The following CNIH3 variants were observed in gnomAD, a reference collection of about 807,000 sequenced individuals.
CNIH3 encodes cornichon family AMPA receptor auxiliary protein 3.
In CNIH3, 14 loss-of-function variants were observed where a neutral mutation model predicts 24.1. The observed-to-expected ratio is 0.58, with a 90% CI of 0.38 to 0.91. CNIH3 has a LOEUF of 0.91. CNIH3 is among the 40% of genes least tolerant of loss of function. CNIH3 has a pLI of 0.00. For synonymous variants in CNIH3, 68 were observed against 73.8 expected (o/e 0.92, Z 0.40); for missense variants, 178 against 196.8 (o/e 0.90, Z 0.57).
intron 1 of CNIH3, among the ~76,000 whole-genome samples, chr1:224,501,516 T>C (rs1379567902): frequency 2.0e-5 from 2 of 100,366 alleles, no homozygotes; most frequent in Non-Finnish European, 4.6e-5. Flanking sequence ...TATATATATA[T>C]ATATATATAT....
intron 1 of CNIH3, among the ~76,000 whole-genome samples, chr1:224,510,769 A>G (rs1678119609): frequency 6.6e-6 from 1 of 151,970 alleles, no homozygotes; most frequent in South Asian, 2.1e-4. Flanking sequence ...ACTGACTGAT[A>G]CTCCAAAGGG....
intron 4 of CNIH3, among the ~76,000 whole-genome samples, chr1:224,581,318 C>A (rs569080341): frequency 6.6e-6 from 1 of 152,252 alleles, no homozygotes; most frequent in East Asian, 1.9e-4. Flanking sequence ...AGAACCCTGA[C>A]ATTTCTTGAA....
At chr1:224,614,428 C>T (rs1682845204), upstream of CNIH3, among the ~76,000 whole-genome samples, 1 of 152,184 alleles carries the variant, frequency 6.6e-6, no homozygotes, top group Admixed American at 6.5e-5. Flanking sequence ...AATCCCAGCG[C>T]TTTGGGAGGC....
chr1:224,612,303 T>C (rs1682737309), upstream of CNIH3, among the ~76,000 whole-genome samples: 1 of 152,192 alleles, frequency 6.6e-6, no homozygotes, highest in Non-Finnish European at 1.5e-5. The surrounding 1 kb of genome is among the most constrained non-coding windows in gnomAD (Gnocchi z 4.7). Context: ...GGTTTAGCTC[T>C]TGGGGCCAGT....
intron 1 of CNIH3, among the ~76,000 whole-genome samples, chr1:224,476,678 C>T (rs1453177096): frequency 6.6e-6 from 1 of 152,118 alleles, no homozygotes; most frequent in Non-Finnish European, 1.5e-5. Context: ...GTAAGATAGT[C>T]CATGTTCATG....
At chr1:224,575,088 G>A (rs1264003492) in intron 4 of CNIH3, 7 of 877,468 alleles carry the variant, frequency 8.0e-6, no homozygotes, top group South Asian at 1.3e-5. Flanking sequence ...CAGCTCCCCC[G>A]ACAGGCCCTG....
At chr1:224,722,984 G>C (rs1276699262) in intron 3 of CNIH3, among the ~76,000 whole-genome samples, 5 of 152,338 alleles carry the variant, frequency 3.3e-5, no homozygotes, top group Admixed American at 6.5e-5. Context: ...GCTGGGATCT[G>C]TAATTTATGC....
Position 224,739,422 on chromosome 1 carries a change from T to C in CNIH3, c.*66T>C. ...GGCCTGAGACGGAGAGGTGCATTTC[T>C]GCTGGTGACTGGAGGAGGGACCAGA... On this transcript the variant is annotated 3_prime_UTR_variant, in exon 6 of 6. Transcript: ENST00000272133. 2 of 1,586,966 alleles carry C rather than the reference T, an allele frequency of 1.3e-6. No individual in the cohort carries two copies. Among genetic ancestry groups the C allele is most frequent in the Non-Finnish European group, 1.7e-6 (2 of 1,172,246 alleles).
At chr1:224,548,276 A>G (rs1679780335) in intron 3 of CNIH3, among the ~76,000 whole-genome samples, 1 of 151,894 alleles carries the variant, frequency 6.6e-6, no homozygotes. Flanking sequence ...ATTAATGTAC[A>G]CCCTATGTGT....
chr1:224,735,227 C>CAA (rs1689536579), intron 5 of CNIH3, among the ~76,000 whole-genome samples: 1 of 152,166 alleles, frequency 6.6e-6, no homozygotes, highest in Admixed American at 6.5e-5. Context: ...TACAGTTTTC[C>CAA]CAATATTACA....
chr1:224,647,132 G>A (rs912395837), intron 1 of CNIH3, among the ~76,000 whole-genome samples: 1 of 152,064 alleles, frequency 6.6e-6, no homozygotes, highest in African/African-American at 2.4e-5. Context: ...ACAGGCACCC[G>A]CCGCCACACC....
At chr1:224,445,459 C>G (rs1220804877) in intron 1 of CNIH3, among the ~76,000 whole-genome samples, 1 of 151,390 alleles carries the variant, frequency 6.6e-6, no homozygotes, top group Non-Finnish European at 1.5e-5. Flanking sequence ...GCCTGTAATC[C>G]CAGCTACTTG....
At chr1:224,439,910 TC>T (rs1319610249) in intron 1 of CNIH3, among the ~76,000 whole-genome samples, 1 of 152,232 alleles carries the variant, frequency 6.6e-6, no homozygotes, top group Non-Finnish European at 1.5e-5. Context: ...TGCCTCAGCC[TC>T]CAGAGTAGCT....
chr1:224,555,393 T>A (rs1317906059), intron 3 of CNIH3, among the ~76,000 whole-genome samples: 1 of 152,208 alleles, frequency 6.6e-6, no homozygotes, highest in Non-Finnish European at 1.5e-5. Flanking sequence ...TTGTTCAGGA[T>A]GACACTGTTT....
chr1:224,514,729 G>T (rs543868045), upstream of CNIH3, among the ~76,000 whole-genome samples: 7 of 152,254 alleles, frequency 4.6e-5, no homozygotes, highest in South Asian at 1.5e-3. Flanking sequence ...CACTTGGGAG[G>T]GTGTGGTGGC....
intron 3 of CNIH3, among the ~76,000 whole-genome samples, chr1:224,547,249 A>T (rs1385274588): frequency 6.6e-6 from 1 of 152,150 alleles, no homozygotes; most frequent in Non-Finnish European, 1.5e-5. Context: ...GTGGGTGTAC[A>T]CCCTGTAATA....
chr1:224,610,027 C>A (rs77836420), intron 3 of CNIH3, among the ~76,000 whole-genome samples: 1,761 of 152,236 alleles, frequency 0.012, 8 homozygotes, highest in Non-Finnish European at 0.018. Flanking sequence ...CCCATAAAAC[C>A]ATTCTGTTTT....
intron 2 of CNIH3, chr1:224,521,465 A>C (rs1678626681): frequency 6.6e-6 from 1 of 152,152 alleles, no homozygotes; most frequent in South Asian, 2.1e-4. Flanking sequence ...TCAGAAACAC[A>C]CACTGGGTTT....
intron 3 of CNIH3, among the ~76,000 whole-genome samples, chr1:224,555,772 C>G (rs1054064327): frequency 6.6e-6 from 1 of 152,222 alleles, no homozygotes; most frequent in Non-Finnish European, 1.5e-5. Context: ...TTGAGCTAAT[C>G]CTTTTTTTTT....
Sources: allele counts gnomAD v4.1 joint callset (sites outside exome capture counted in the v4.1 genomes callset), GRCh38; gene constraint gnomAD v4.1.1; non-coding constraint Gnocchi (gnomAD v3.1); transcripts MANE v1.5; gene names NCBI Gene and HGNC (gene_info 2026-07-23, HGNC 2026-07-21).